VPS13D: variants seen among roughly 807,000 people sequenced by gnomAD.
VPS13D encodes the protein vacuolar protein sorting 13 homolog D.
VPS13D carries 187 observed loss-of-function variants against 461.9 expected under a neutral mutation model. The observed-to-expected ratio is 0.40, with a 90% CI of 0.36 to 0.46. VPS13D has a LOEUF of 0.46. VPS13D is among the 20% of genes least tolerant of loss of function. VPS13D has a pLI of 0.60. For missense variants in VPS13D, 4,711 were observed against 5,364.9 expected (o/e 0.88, Z 3.81); for synonymous variants, 1,951 against 1,986.3 (o/e 0.98, Z 0.47).
chr1:12,460,416 T>C lies in VPS13D; in HGVS notation c.12662+20T>C, dbSNP rs1187690390. On this transcript the variant is annotated intron_variant, in intron 67 of 69. Transcript: ENST00000620676. The stretch of plus-strand genomic sequence containing the variant: ...CCCCAGGTCAGTGGTGTGGGAAGAA[T>C]GGCTTTTGCAGTTTCCAGCCTAGGT... The C allele has an allele frequency of 1.3e-6, 2 of 1,542,486 alleles. No individual in the cohort carries two copies. Among genetic ancestry groups the C allele is most frequent in the African/African-American group, 1.4e-5 (1 of 72,322 alleles).
At chr1:12,381,533 C>G (rs1005496959) in intron 57 of VPS13D, among the ~76,000 whole-genome samples, 1 of 152,218 alleles carries the variant, frequency 6.6e-6, no homozygotes, top group Non-Finnish European at 1.5e-5. Flanking sequence ...AATTGAATCC[C>G]TGTGGACCAA....
intron 55 of VPS13D, among the ~76,000 whole-genome samples, chr1:12,375,921 C>T (rs185177326): frequency 6.6e-6 from 1 of 151,994 alleles, no homozygotes; most frequent in African/African-American, 2.4e-5. Flanking sequence ...GATTTTAGAA[C>T]TAAATTATTA....
chr1:12,407,527 T>G (rs1644671478), intron 63 of VPS13D, among the ~76,000 whole-genome samples: 1 of 152,216 alleles, frequency 6.6e-6, no homozygotes, highest in South Asian at 2.1e-4. Flanking sequence ...CTTTGTATAC[T>G]ACTGTATTTG....
In VPS13D at chr1:12,342,979, G is replaced by A; in HGVS notation, c.8813G>A (p.Ser2938Asn). 6.2e-7 allele frequency: 1 copy of A among 1,613,990 alleles called. No homozygotes were observed. ...GTFLDDTHNVSEWREVLTGEE... is the reference protein window; with the variant it reads ...GTFLDDTHNVNEWREVLTGEE... ...TTTCTCGATGATACTCACAATGTTAGTGAATGGCGAGAAGTCCTTACAGGT... is the reference window on the plus strand; with the variant it reads ...TTTCTCGATGATACTCACAATGTTAATGAATGGCGAGAAGTCCTTACAGGT... Residue 2938 changes from serine to asparagine, a missense_variant, in exon 42 of 70, where the codon AGT (serine) becomes AAT (asparagine). Transcript: ENST00000620676.
In VPS13D at chr1:12,276,370, C is replaced by T. The variant is rs1641611911; in HGVS notation, c.2782C>T (p.Gln928Ter). 3 of 1,614,078 alleles carry T rather than the reference C, an allele frequency of 1.9e-6. No homozygotes were observed. Among genetic ancestry groups the T allele is most frequent in the Non-Finnish European group, 2.5e-6 (3 of 1,180,046 alleles). Residue 928 changes from glutamine (Q) to a stop codon, truncating the protein, a stop_gained, in exon 19 of 70, where the codon CAA becomes TAA. Transcript: ENST00000620676. LOFTEE classifies it high-confidence loss of function. The surrounding 1 kb of genome is among the most constrained non-coding windows in gnomAD (Gnocchi z 4.5). ...CCAGGAGGAGCAGCGGGGAAGTTTG[C>T]AAGACTCCGTAATGAATTTAACCCA... is the stretch of plus-strand genomic sequence containing the variant. Reference protein sequence around the residue: ...FPQEEQRGSLQDSVMNLTQSI... With the variant: ...FPQEEQRGSL
chr1:12,456,831 A>G (rs184759522), intron 66 of VPS13D, among the ~76,000 whole-genome samples: 30 of 152,256 alleles, frequency 2.0e-4, no homozygotes, highest in Non-Finnish European at 1.9e-4. Flanking sequence ...TTCTGTTCCC[A>G]AAGTATCATA....
intron 65 of VPS13D, among the ~76,000 whole-genome samples, chr1:12,417,197 T>C (rs1644805094): frequency 6.6e-6 from 1 of 152,202 alleles, no homozygotes; most frequent in Non-Finnish European, 1.5e-5. Flanking sequence ...CTACCAGTTA[T>C]TGCCCACAGT....
At chr1:12,439,473 TCTC>T (rs1039733856) in intron 65 of VPS13D, among the ~76,000 whole-genome samples, 3 of 151,306 alleles carry the variant, frequency 2.0e-5, no homozygotes, top group African/African-American at 4.9e-5. Flanking sequence ...CTATACCTCT[TCTC>T]CTCCTCCCCT....
At chr1:12,290,488 C>T (rs1281608453) in intron 22 of VPS13D, among the ~76,000 whole-genome samples, 1 of 151,970 alleles carries the variant, frequency 6.6e-6, no homozygotes, top group African/African-American at 2.4e-5. Flanking sequence ...TTTGGGAGGC[C>T]AAGGCGGGCG....
chr1:12,243,305 C>A (rs1640441390), intron 3 of VPS13D, among the ~76,000 whole-genome samples: 1 of 152,110 alleles, frequency 6.6e-6, no homozygotes, highest in Non-Finnish European at 1.5e-5. Flanking sequence ...TGCTTTGTCA[C>A]CCAGGCTGGA....
intron 65 of VPS13D, among the ~76,000 whole-genome samples, chr1:12,423,437 G>A (rs558758686): frequency 2.2e-4 from 34 of 152,288 alleles, no homozygotes; most frequent in African/African-American, 8.2e-4. Flanking sequence ...GCCCTACCTA[G>A]TCCCACAGTG....
At chr1:12,256,681 C>G (rs961843721) in intron 8 of VPS13D, among the ~76,000 whole-genome samples, 178 bp downstream of exon 8, 4 of 146,794 alleles carry the variant, frequency 2.7e-5, no homozygotes, top group Non-Finnish European at 5.9e-5. Context: ...TTGGGTTGAT[C>G]TCAGGTTAGT....
chr1:12,234,896 C>T (rs553506563), intron 2 of VPS13D, among the ~76,000 whole-genome samples: 27 of 152,332 alleles, frequency 1.8e-4, no homozygotes, highest in African/African-American at 6.3e-4. Flanking sequence ...AGGTGTTCAA[C>T]AGAATTTCTG....
intron 6 of VPS13D, among the ~76,000 whole-genome samples, chr1:12,253,419 T>C (rs891608405): frequency 3.3e-5 from 5 of 152,200 alleles, no homozygotes; most frequent in African/African-American, 9.6e-5. Context: ...ACCATTTGCC[T>C]GAAACTTATA....
rs1005408843 is a variant in VPS13D, at chr1:12,451,720, T to G, written c.12334-4278T>G. Among the ~76,000 whole-genome samples the G allele has an allele frequency of 7.2e-5, 11 of 152,378 alleles. 1 individual carries two copies. The South Asian group carries it at 2.1e-3, about 29-fold the overall frequency. ...TGGTGCTGTTATGCCCTGCTGCAGA[T>G]AGCTTCCGCTTTGCTGGGGGGATAT... On this transcript the variant is annotated intron_variant, in intron 65 of 69. Coordinates refer to ENST00000620676, the MANE Select transcript of VPS13D (RefSeq NM_015378.4).
intron 43 of VPS13D, among the ~76,000 whole-genome samples, chr1:12,345,834 A>G (rs1433209975): frequency 1.3e-5 from 2 of 152,204 alleles, no homozygotes; most frequent in East Asian, 1.9e-4. Flanking sequence ...TATGCTGTCC[A>G]TATACACTGT....
intron 44 of VPS13D, among the ~76,000 whole-genome samples, 175 bp from the exon 45 acceptor site, chr1:12,348,648 G>A (rs955375355): frequency 1.3e-5 from 2 of 151,916 alleles, no homozygotes; most frequent in Non-Finnish European, 2.9e-5. Flanking sequence ...TTTTAACAGT[G>A]TATAGGATGT....
At chr1:12,364,942 G>T (rs1644010440) in intron 52 of VPS13D, among the ~76,000 whole-genome samples, 1 of 152,116 alleles carries the variant, frequency 6.6e-6, no homozygotes. Context: ...GTTTGTGTAT[G>T]GCATAAGGTG....
rs115989177 is a variant in VPS13D at position 12,478,346 on chromosome 1, A to G, written c.12662+17950A>G. 6.1e-3 allele frequency among the ~76,000 whole-genome samples: 922 copies of G among 152,378 alleles called. 16 individuals are homozygous for G. The highest frequency in any genetic ancestry group is 0.021 in the African/African-American group (875 of 41,594). Reference sequence around the variant, plus strand: ...TTAACCAGCACGACGAAAAGGAGATAATATGAGCCTTCGTGATGATCTGAA... The same window carrying G: ...TTAACCAGCACGACGAAAAGGAGATGATATGAGCCTTCGTGATGATCTGAA... On this transcript the variant is annotated intron_variant, in intron 67 of 69. Transcript: ENST00000620676.
Sources: gnomAD v4.1 joint callset for allele counts (sites outside exome capture counted in the v4.1 genomes callset) on GRCh38, gnomAD v4.1.1 for gene constraint, Gnocchi (gnomAD v3.1) non-coding constraint, MANE v1.5 for transcripts, NCBI Gene and HGNC (gene_info 2026-07-23, HGNC 2026-07-21) for gene names.